Variants in KAZN observed in about 807,000 individuals in gnomAD.
KAZN encodes the protein kazrin, periplakin interacting protein.
A neutral mutation model predicts 87.4 loss-of-function variants in KAZN; 40 were observed. That is an observed-to-expected ratio of 0.46 (90% confidence interval 0.36 to 0.60). The LOEUF (loss-of-function observed/expected upper bound fraction) is 0.60. KAZN is among the 20% of genes least tolerant of loss of function. The pLI is 0.00. For missense variants in KAZN, 898 were observed against 1,073.9 expected, an observed-to-expected ratio of 0.84 and a Z score of 2.29; for synonymous variants, 466 against 458.3, an observed-to-expected ratio of 1.02 and a Z score of -0.22.
chr1:14,288,939 A>G (rs192797937), intron 2 of KAZN, among the ~76,000 whole-genome samples: 5 of 152,272 alleles, frequency 3.3e-5, no homozygotes, highest in Non-Finnish European at 7.4e-5. Context: ...TTCGTTATGT[A>G]CCCAGTAGTC....
At chr1:14,847,533 TA>T (rs1239753039) in intron 1 of KAZN, among the ~76,000 whole-genome samples, 1 of 152,250 alleles carries the variant, frequency 6.6e-6, no homozygotes, top group Non-Finnish European at 1.5e-5. Flanking sequence ...GTGAGCTATG[TA>T]CATCTGCGTC....
intron 2 of KAZN, among the ~76,000 whole-genome samples, chr1:14,290,742 T>G (rs1384182634): frequency 6.6e-6 from 1 of 152,220 alleles, no homozygotes; most frequent in Non-Finnish European, 1.5e-5. Context: ...CTGAGATTCT[T>G]TGGAGGAGAA....
At chr1:14,970,499 T>C (rs868101659) in intron 2 of KAZN, among the ~76,000 whole-genome samples, 1 of 152,220 alleles carries the variant, frequency 6.6e-6, no homozygotes, top group Admixed American at 6.5e-5. Context: ...TCCCCTTTGC[T>C]TTTTATGCAG....
At chr1:14,405,962 A>C (rs10927423) in intron 2 of KAZN, among the ~76,000 whole-genome samples, 23,526 of 152,152 alleles carry the variant, frequency 0.15, 1,866 homozygotes, top group East Asian at 0.23. Flanking sequence ...TACTGATTTA[A>C]ATGTCAATCT....
chr1:14,908,328 G>C (rs1384152279), intron 1 of KAZN, among the ~76,000 whole-genome samples: 1 of 151,894 alleles, frequency 6.6e-6, no homozygotes, highest in Non-Finnish European at 1.5e-5. Flanking sequence ...ATCATTTGAG[G>C]TCAGGAGTTC....
At chr1:14,154,457 C>T (rs1032230727) in intron 1 of KAZN, among the ~76,000 whole-genome samples, 2 of 152,084 alleles carry the variant, frequency 1.3e-5, no homozygotes, top group African/African-American at 4.8e-5. Flanking sequence ...GATAATTTGG[C>T]TTCTTCCTTT....
chr1:14,679,760 G>A (rs1640459046), intron 1 of KAZN, among the ~76,000 whole-genome samples: 1 of 152,134 alleles, frequency 6.6e-6, no homozygotes, highest in Non-Finnish European at 1.5e-5. Context: ...TAAGAAACAT[G>A]CCCAAGGTCA....
chr1:14,448,876 C>T (rs1034023464), intron 2 of KAZN, among the ~76,000 whole-genome samples: 2 of 152,202 alleles, frequency 1.3e-5, no homozygotes, highest in Admixed American at 1.3e-4. Context: ...CAAGGTCATG[C>T]TTCTGCCTCC....
At chr1:14,418,302 T>TC (rs1665004416) in intron 2 of KAZN, among the ~76,000 whole-genome samples, 1 of 152,164 alleles carries the variant, frequency 6.6e-6, no homozygotes, top group Non-Finnish European at 1.5e-5. Flanking sequence ...TCTCTGAGTG[T>TC]CCATTTCCTC....
intron 1 of KAZN, among the ~76,000 whole-genome samples, chr1:14,764,783 G>A (rs1456804611): frequency 3.9e-5 from 6 of 152,126 alleles, no homozygotes; most frequent in African/African-American, 1.4e-4. Context: ...AACAGGCAGA[G>A]GCCAGAGGGA....
chr1:14,170,990 G>A (rs1400893457), intron 1 of KAZN, among the ~76,000 whole-genome samples: 1 of 152,194 alleles, frequency 6.6e-6, no homozygotes, highest in Non-Finnish European at 1.5e-5. Context: ...GGGATTACGG[G>A]TGTGAGCCAC....
rs1356848008 is a variant in KAZN, at chr1:14,598,876, G to T, written c.-122G>T. 4.8e-6 allele frequency: 7 copies of T among 1,459,176 alleles called. No individual in the cohort carries two copies. The highest frequency in any genetic ancestry group is 2.1e-4 in the Middle Eastern group (1 of 4,834). 90.4% of individuals were successfully genotyped at this position (1,459,176 alleles called of 1,614,324 possible). Reference sequence around the variant, plus strand: ...GCGCTGCCGGTGCCTGGGGGTCGGGGCGCGGGCGAAGCCGGGCCGCGGAGG... The same window carrying T: ...GCGCTGCCGGTGCCTGGGGGTCGGGTCGCGGGCGAAGCCGGGCCGCGGAGG... On this transcript the variant is annotated 5_prime_UTR_variant, in exon 1 of 15. Coordinates refer to ENST00000376030, the MANE Select transcript of KAZN (RefSeq NM_201628.3). This position sits in a 1 kb window ranked among gnomAD's most constrained non-coding sequence, Gnocchi z 4.2.
chr1:14,827,512 C>T (rs901581690), intron 1 of KAZN, among the ~76,000 whole-genome samples: 1 of 152,088 alleles, frequency 6.6e-6, no homozygotes, highest in Non-Finnish European at 1.5e-5. Flanking sequence ...GCGACGTTTG[C>T]TTTTCCATTA....
intron 1 of KAZN, among the ~76,000 whole-genome samples, chr1:14,753,749 T>C (rs964338623): frequency 6.6e-6 from 1 of 152,016 alleles, no homozygotes; most frequent in South Asian, 2.1e-4. Flanking sequence ...AGAGGCTACA[T>C]CTTTCCCTGC....
Position 14,862,886 on chromosome 1 carries a change from T to C in KAZN, c.227-97798T>C, listed in dbSNP as rs556033213. On this transcript the variant is annotated intron_variant, in intron 1 of 14. Coordinates refer to ENST00000376030, the MANE Select transcript of KAZN (RefSeq NM_201628.3). ...TGACTAGTGTCATTGCCCCTGCATA[T>C]GGTGTCTCATTTCATCTTCATGACA... Among the ~76,000 whole-genome samples the C allele has an allele frequency of 1.2e-4, 19 of 152,318 alleles. No individual in the cohort carries two copies. In the South Asian group the frequency reaches 3.9e-3, roughly 32 times the overall value.
chr1:14,770,510 A>G (rs1043041012), intron 1 of KAZN, among the ~76,000 whole-genome samples: 6 of 152,188 alleles, frequency 3.9e-5, no homozygotes, highest in African/African-American at 1.4e-4. Flanking sequence ...TGCTAAGATA[A>G]GGAACACGGG....
At position 14,598,896 on chromosome 1, in the gene KAZN, C is replaced by T; in HGVS notation, c.-102C>T. 1.3e-6 allele frequency: 2 copies of T among 1,504,438 alleles called. No homozygotes were observed. Among genetic ancestry groups the T allele is most frequent in the Non-Finnish European group, 1.8e-6 (2 of 1,136,556 alleles). 93.2% of individuals were successfully genotyped at this position (1,504,438 alleles called of 1,614,324 possible). A position where few individuals can be genotyped will look rare whatever the true frequency, so the allele number is the denominator to read the frequency against. On this transcript the variant is annotated 5_prime_UTR_variant, in exon 1 of 15. Coordinates refer to ENST00000376030, the MANE Select transcript of KAZN (RefSeq NM_201628.3). This position sits in a 1 kb window ranked among gnomAD's most constrained non-coding sequence, Gnocchi z 4.2. ...TCGGGGCGCGGGCGAAGCCGGGCCG[C>T]GGAGGACACAACAGGTAGAGCCGGG...
intron 1 of KAZN, among the ~76,000 whole-genome samples, chr1:13,900,116 C>A (rs1427797762): frequency 6.6e-6 from 1 of 152,032 alleles, no homozygotes; most frequent in African/African-American, 2.4e-5. Flanking sequence ...CGGTTATGTT[C>A]ATTCTCTTTC....
intron 1 of KAZN, among the ~76,000 whole-genome samples, chr1:14,794,251 G>A (rs1228798537): frequency 6.6e-6 from 1 of 152,170 alleles, no homozygotes; most frequent in Non-Finnish European, 1.5e-5. Context: ...ATCTAAACCC[G>A]ACAGAGTTAG....
Sources: gnomAD v4.1 joint callset for allele counts (sites outside exome capture counted in the v4.1 genomes callset) on GRCh38, gnomAD v4.1.1 for gene constraint, Gnocchi (gnomAD v3.1) non-coding constraint, MANE v1.5 for transcripts, NCBI Gene and HGNC (gene_info 2026-07-23, HGNC 2026-07-21) for gene names.